The following APOB variants were observed in gnomAD, a reference collection of about 807,000 sequenced individuals.
APOB encodes the protein apolipoprotein B, also known as apolipoprotein B-100.
In APOB, 153 loss-of-function variants were observed where a neutral mutation model predicts 314.1. The ratio of observed to expected loss-of-function variants is 0.49; its 90% CI spans 0.43 to 0.56. The LOEUF is 0.56. Among genes scored for constraint, APOB ranks in the 20% least tolerant of loss-of-function variants. The pLI is 0.00. For synonymous variants in APOB, 2,087 were observed against 2,036.4 expected (o/e 1.02, Z -0.67); for missense variants, 5,430 against 5,350.7 (o/e 1.01, Z -0.46).
chr2:21,008,289 A>G lies in APOB; in HGVS notation c.8579T>C (p.Leu2860Ser). The change falls in exon 26 of 29, where the codon TTA becomes TCA. Residue 2860 changes from leucine to serine, a missense_variant. By Grantham distance (145) the Leu-to-Ser change is moderately radical. This residue lies in a region of APOB where 3,281 missense variants were observed against 3,171.0 expected (regional missense o/e 1.03). Coordinates refer to ENST00000233242, the MANE Select transcript of APOB (RefSeq NM_000384.3). The part of the protein sequence containing the change: ...IEGKSNTVAS[L>S]HTEKNTLELS... ...CTCCAGTGTATTTTTTTCTGTGTGT[A>G]AACTTGCCACTGTGTTTGATTTTCC... 5 of 1,613,656 alleles carry G rather than the reference A, an allele frequency of 3.1e-6. No individual in the cohort carries two copies. The highest frequency in any genetic ancestry group is 4.2e-6 in the Non-Finnish European group (5 of 1,179,668).
At chr2:21,032,242 T>G (rs894478304) in intron 10 of APOB, 112 bp downstream of exon 10, 2 of 951,478 alleles carry the variant, frequency 2.1e-6, no homozygotes, top group African/African-American at 3.2e-5. Context: ...AACACAAGAG[T>G]AAGGAGCAGA....
Position 21,011,710 on chromosome 2 carries a change from C to G in APOB, c.5158G>C (p.Gly1720Arg). Residue 1720 changes from glycine to arginine, a missense_variant, in exon 26 of 29, where the codon GGT becomes CGT. Coordinates refer to ENST00000233242, the MANE Select transcript of APOB (RefSeq NM_000384.3). ...LGSAYQAMIL[G>R]VDSKNIFNFK... is the part of the protein sequence containing the mutation. ...TTGAAAATGTTTTTGCTGTCGACAC[C>G]CAGAATCATGGCCTGATAAGCACTT... The G allele has an allele frequency of 6.2e-7, 1 of 1,614,096 alleles. No homozygotes were observed. Among genetic ancestry groups the G allele is most frequent in the East Asian group, 2.2e-5 (1 of 44,874 alleles).
rs141339310 is a variant in APOB, at chr2:21,002,402, A to G, written c.13020T>C (p.Tyr4340=). 2.3e-4 allele frequency: 366 copies of G among 1,602,538 alleles called. No individual in the cohort carries two copies. Among genetic ancestry groups the G allele is most frequent in the Non-Finnish European group, 2.9e-4 (343 of 1,173,602 alleles). ...QDEINTIFSD[Y]IPYVFKLLKE... ...TCAACAATTTAAAAACATATGGGAT[A>G]TAATCACTGAAGATTGTGTTGATCT... The change falls in exon 29 of 29, where the codon TAT becomes TAC. Residue 4340 remains tyrosine (Y), a synonymous_variant. Transcript: ENST00000233242.
At chr2:21,016,023 C>T (rs1257029032) in intron 21 of APOB, among the ~76,000 whole-genome samples, 3 of 152,198 alleles carry the variant, frequency 2.0e-5, no homozygotes, top group African/African-American at 7.2e-5. Flanking sequence ...GGTGCAGTGG[C>T]TTACACCTGT....
At position 21,004,615 on chromosome 2, in the gene APOB, G is replaced by C; in HGVS notation, c.11849C>G (p.Ala3950Gly). ...ATATTCTGCACTGAAGTCACGGTGT[G>C]CAAATGTTCCTTTAGTCTTAGAGGC... ...TLASKTKGTF[A>G]HRDFSAEYEE... Residue 3950 changes from alanine to glycine, a missense_variant, in exon 27 of 29, where the codon GCA becomes GGA. By Grantham distance (60) the Ala-to-Gly change is moderately conservative. Around this residue, in one of 3 missense-constraint regions of APOB, gnomAD observed 3,281 missense variants for 3,171.0 expected, o/e 1.03. Coordinates refer to ENST00000233242, the MANE Select transcript of APOB (RefSeq NM_000384.3). 1.2e-6 allele frequency: 2 copies of C among 1,613,940 alleles called. No individual in the cohort carries two copies. The highest frequency in any genetic ancestry group is 1.7e-6 in the Non-Finnish European group (2 of 1,179,856).
Position 21,002,783 on chromosome 2 carries a change from C to T in APOB, c.12639G>A (p.Arg4213=), listed in dbSNP as rs770139422. The T allele has an allele frequency of 6.2e-7, 1 of 1,609,090 alleles. No individual in the cohort carries two copies. Among genetic ancestry groups the T allele is most frequent in the African/African-American group, 1.3e-5 (1 of 74,944 alleles). The change falls in exon 29 of 29, where the codon AGG becomes AGA. Residue 4213 remains arginine (R), a synonymous_variant. Transcript: ENST00000233242. ...QFPGKPGIYT[R]EELCTMFIRE... ...TTATGAACATAGTGCAAAGTTCCTC[C>T]CTAGTGTATATCCCAGGTTTCCCCG...
chr2:21,040,484 C>T (rs542171980), intron 4 of APOB, among the ~76,000 whole-genome samples: 8 of 152,282 alleles, frequency 5.3e-5, no homozygotes, highest in African/African-American at 7.2e-5. Context: ...GGCCGATCAG[C>T]GTGCAGTGGC....
Position 21,010,961 on chromosome 2 carries a change from A to G in APOB, c.5907T>C (p.Ser1969=). 1.2e-6 allele frequency: 2 copies of G among 1,614,154 alleles called. No homozygotes were observed. The highest frequency in any genetic ancestry group is 1.7e-6 in the Non-Finnish European group (2 of 1,180,012). ...SISAALEHKV[S]ALLTPAEQTG... ...TCTGCTCAGCTGGAGTAAGCAGGGC[A>G]CTGACTTTGTGTTCAAGAGCTGCAC... is the stretch of plus-strand genomic sequence containing the variant. Residue 1969 remains serine, a synonymous_variant, in exon 26 of 29, where the codon AGT becomes AGC. Coordinates refer to ENST00000233242, the MANE Select transcript of APOB (RefSeq NM_000384.3).
intron 16 of APOB, chr2:21,024,219 A>G (rs1328399137): frequency 6.6e-6 from 1 of 152,420 alleles, no homozygotes; most frequent in Non-Finnish European, 1.5e-5. Context: ...GTACATTTAT[A>G]TATTTCCTTT....
At position 21,022,920 on chromosome 2, in the gene APOB, C is replaced by T. The variant is rs1198903287; in HGVS notation, c.2727G>A (p.Ser909=). The part of the protein sequence containing the change: ...VQMNTNFFHE[S]GLEAHVALKA... ...TTAGGGCAACATGAGCCTCCAGACC[C>T]GACTCGTGGAAGAAGTTGGTGTTCA... Residue 909 remains serine (S), a synonymous_variant, in exon 18 of 29, where the codon TCG becomes TCA. Transcript: ENST00000233242. The T allele has an allele frequency of 3.7e-6, 6 of 1,614,158 alleles. No homozygotes were observed. The highest frequency in any genetic ancestry group is 1.1e-5 in the South Asian group (1 of 91,068).
rs762234658 is a variant in APOB, at chr2:21,024,848, A to T, written c.2436+85T>A. On this transcript the variant is annotated intron_variant, in intron 16 of 28. Transcript: ENST00000233242. ...TACAAGCATCTTTTCGGGCTTGTGC[A>T]GCTGGGATCGTAAGGGAGTCTGGGC... 1.6e-5 allele frequency: 23 copies of T among 1,411,524 alleles called. 1 individual carries two copies. In the South Asian group the frequency reaches 2.6e-4, roughly 16 times the overall value. 87.4% of individuals were successfully genotyped at this position (1,411,524 alleles called of 1,614,324 possible). A position where few individuals can be genotyped will look rare whatever the true frequency, so the allele number is the denominator to read the frequency against.
chr2:21,009,092 G>A lies in APOB; in HGVS notation c.7776C>T (p.Thr2592=), dbSNP rs548289925. Residue 2592 remains threonine (T), a synonymous_variant, in exon 26 of 29, where the codon ACC becomes ACT. Coordinates refer to ENST00000233242, the MANE Select transcript of APOB (RefSeq NM_000384.3). ...EQGFTVPEIK[T]ILGTMPAFEV... ...CAAAGGCAGGCATGGTCCCAAGGAT[G>A]GTCTTGATTTCAGGAACAGTGAACC... 2.5e-6 allele frequency: 4 copies of A among 1,614,048 alleles called. No homozygotes were observed. In the African/African-American group the frequency reaches 4.0e-5, roughly 16 times the overall value.
intron 18 of APOB, among the ~76,000 whole-genome samples, chr2:21,020,841 C>T (rs1370409880): frequency 2.0e-5 from 3 of 152,198 alleles, no homozygotes; most frequent in Admixed American, 2.0e-4. Flanking sequence ...CCTGTGGCTG[C>T]TCTTTGGCTT....
At chr2:21,024,650 T>C in intron 16 of APOB, 1 of 542,876 alleles carries the variant, frequency 1.8e-6, no homozygotes. Flanking sequence ...AAAAGGACCT[T>C]CAGCAAAGGT....
At chr2:21,033,104 G>A (rs1301698028) in intron 9 of APOB, among the ~76,000 whole-genome samples, 195 bp downstream of exon 9, 3 of 152,186 alleles carry the variant, frequency 2.0e-5, no homozygotes, top group East Asian at 1.9e-4. Context: ...CTTGAACACA[G>A]TATGCGCGTG....
intron 6 of APOB, among the ~76,000 whole-genome samples, chr2:21,036,016 C>G (rs1282522906): frequency 6.6e-6 from 1 of 152,172 alleles, no homozygotes; most frequent in Admixed American, 6.5e-5. Flanking sequence ...GCCCAAAAGC[C>G]CATTCTTACA....
At position 21,022,883 on chromosome 2, in the gene APOB, G is replaced by A; in HGVS notation, c.2764C>T (p.Leu922=). Residue 922 remains leucine, a synonymous_variant, in exon 18 of 29, where the codon CTG becomes TTG. Transcript: ENST00000233242. The stretch of plus-strand genomic sequence containing the variant: ...TTTGGGGAAGGAATGATAAACTTCA[G>A]CTTCCCAGCTTTTAGGGCAACATGA... ...EAHVALKAGK[L]KFIIPSPKRP... is the part of the protein sequence containing the mutation. 1 of 1,614,130 alleles carries A rather than the reference G, an allele frequency of 6.2e-7. No individual in the cohort carries two copies. The highest frequency in any genetic ancestry group is 1.1e-5 in the South Asian group (1 of 91,068).
intron 2 of APOB, 26 bp downstream of exon 2, chr2:21,043,487 C>A: frequency 1.3e-6 from 2 of 1,594,576 alleles, no homozygotes; most frequent in Non-Finnish European, 1.7e-6. Flanking sequence ...GGGCGCCCTT[C>A]CACGCCCCAT....
chr2:21,018,612 A>G (rs1003942067), intron 20 of APOB, among the ~76,000 whole-genome samples: 2 of 152,128 alleles, frequency 1.3e-5, no homozygotes, highest in Non-Finnish European at 2.9e-5. Flanking sequence ...TTTACCAGGG[A>G]GACTTTCCCT....
Sources: allele counts gnomAD v4.1 joint callset (sites outside exome capture counted in the v4.1 genomes callset), GRCh38; gene constraint gnomAD v4.1.1; regional missense constraint gnomAD v4.1.1; transcripts MANE v1.5; gene names NCBI Gene and HGNC (gene_info 2026-07-23, HGNC 2026-07-21).